Variants in TENM3 observed in about 807,000 individuals in gnomAD.
TENM3 encodes teneurin-3.
TENM3 carries 63 observed loss-of-function variants against 255.1 expected under a neutral mutation model. The observed-to-expected ratio is 0.25, with a 90% CI of 0.20 to 0.30. TENM3 has a LOEUF of 0.30. Ranked by LOEUF, TENM3 falls within the 10% of genes least tolerant of loss-of-function variation. The pLI is 1.00. For synonymous variants in TENM3, 1,306 were observed against 1,322.3 expected (o/e 0.99, Z 0.27); for missense variants, 2,929 against 3,461.1 (o/e 0.85, Z 3.86).
intron 3 of TENM3, among the ~76,000 whole-genome samples, chr4:182,583,589 C>T (rs1223550084): frequency 6.6e-6 from 1 of 151,912 alleles, no homozygotes; most frequent in Non-Finnish European, 1.5e-5. Flanking sequence ...GTCTTCTTTT[C>T]ATTTATATCT....
At chr4:181,913,800 A>G in the TENM3 span, among the ~76,000 whole-genome samples, 1 of 152,210 alleles carries the variant, frequency 6.6e-6, no homozygotes, top group African/African-American at 2.4e-5. Context: ...CTCAGAACTC[A>G]TTGTACTTAA....
the TENM3 span, among the ~76,000 whole-genome samples, chr4:181,566,108 A>T: frequency 6.6e-6 from 1 of 151,528 alleles, no homozygotes; most frequent in Non-Finnish European, 1.5e-5. Context: ...AAGAAAAAAA[A>T]ATGTTTTGTA....
intron 3 of TENM3, among the ~76,000 whole-genome samples, chr4:182,473,244 A>G (rs958572436): frequency 3.3e-5 from 5 of 152,240 alleles, no homozygotes; most frequent in Non-Finnish European, 7.3e-5. Flanking sequence ...CTATGGCTTC[A>G]AGGTCCTAAG....
chr4:181,703,928 T>A, the TENM3 span, among the ~76,000 whole-genome samples: 269 of 152,174 alleles, frequency 1.8e-3, 1 homozygote, highest in Middle Eastern at 3.4e-3. Flanking sequence ...ATAAGAAATA[T>A]AACAGAATAT....
the TENM3 span, among the ~76,000 whole-genome samples, chr4:182,100,776 TATATATACAC>T: frequency 0.078 from 3,265 of 42,086 alleles, 413 homozygotes; most frequent in Middle Eastern, 0.1. Context: ...TATATACACA[TATATATACAC>T]ATATATATAC....
chr4:181,743,778 T>G, the TENM3 span, among the ~76,000 whole-genome samples: 14 of 152,132 alleles, frequency 9.2e-5, no homozygotes. Flanking sequence ...TGGAGGACTT[T>G]GAGGAGAGAG....
At chr4:182,621,526 G>C (rs993711419) in intron 4 of TENM3, among the ~76,000 whole-genome samples, 9 of 144,214 alleles carry the variant, frequency 6.2e-5, no homozygotes, top group African/African-American at 2.3e-4. Context: ...ACTTTGGGAG[G>C]CCAAGGCAGG....
At chr4:182,753,165 C>G (rs927588048) in intron 20 of TENM3, among the ~76,000 whole-genome samples, 4 of 152,106 alleles carry the variant, frequency 2.6e-5, no homozygotes, top group Non-Finnish European at 5.9e-5. Context: ...CCAGGCTGGT[C>G]TCGAACTCCT....
the TENM3 span, among the ~76,000 whole-genome samples, chr4:181,769,427 CAG>C: frequency 6.6e-6 from 1 of 152,342 alleles, no homozygotes; most frequent in Non-Finnish European, 1.5e-5. Context: ...GGGTAAGCCT[CAG>C]TGTCACCATC....
chr4:182,239,031 T>TTGTGTGTGTG (rs199507110), upstream of TENM3, among the ~76,000 whole-genome samples: 3 of 110,372 alleles, frequency 2.7e-5, no homozygotes, highest in Admixed American at 9.9e-5. Flanking sequence ...TTAAAAATCT[T>TTGTGTGTGTG]TATGTGTGTG....
At chr4:181,754,690 G>A in the TENM3 span, among the ~76,000 whole-genome samples, 1 of 152,154 alleles carries the variant, frequency 6.6e-6, no homozygotes, top group Non-Finnish European at 1.5e-5. Flanking sequence ...AAGCTGGAAA[G>A]GTAGGCTGAA....
chr4:181,530,525 G>T, the TENM3 span, among the ~76,000 whole-genome samples: 8 of 152,108 alleles, frequency 5.3e-5, no homozygotes, highest in Non-Finnish European at 1.2e-4. Flanking sequence ...TGGTCCTAAG[G>T]TAGATCCTGC....
chr4:181,641,834 A>T, the TENM3 span, among the ~76,000 whole-genome samples: 1 of 124,794 alleles, frequency 8.0e-6, no homozygotes, highest in Non-Finnish European at 1.6e-5. Context: ...ATATATATAT[A>T]TATATATATG....
the TENM3 span, among the ~76,000 whole-genome samples, chr4:181,451,652 G>C: frequency 6.6e-6 from 1 of 152,038 alleles, no homozygotes; most frequent in African/African-American, 2.4e-5. Context: ...GGATTGGGTA[G>C]GTTAAAGATG....
At chr4:182,254,521 G>A (rs1758244656) in intron 1 of TENM3, among the ~76,000 whole-genome samples, 1 of 152,100 alleles carries the variant, frequency 6.6e-6, no homozygotes. Context: ...AAAGACTGGA[G>A]TATTTTATAT....
At chr4:181,836,797 A>G in the TENM3 span, among the ~76,000 whole-genome samples, 1 of 152,226 alleles carries the variant, frequency 6.6e-6, no homozygotes, top group African/African-American at 2.4e-5. Context: ...ATAAAATTTA[A>G]TAAACGTTCT....
chr4:182,763,300 C>G (rs1763367471), intron 22 of TENM3, among the ~76,000 whole-genome samples: 1 of 152,184 alleles, frequency 6.6e-6, no homozygotes. Context: ...CGGTGGCTCA[C>G]ACCTGTAATC....
the TENM3 span, among the ~76,000 whole-genome samples, chr4:181,967,828 A>AC: frequency 6.6e-6 from 1 of 151,546 alleles, no homozygotes; most frequent in Non-Finnish European, 1.5e-5. Flanking sequence ...GTTCAGTTCC[A>AC]CCCCCCAGGC....
At chr4:182,460,766 T>A (rs909857056) in intron 3 of TENM3, among the ~76,000 whole-genome samples, 2 of 152,190 alleles carry the variant, frequency 1.3e-5, no homozygotes, top group Non-Finnish European at 2.9e-5. Context: ...TATTTCTTTT[T>A]AAAATGATGC....
Sources: allele counts gnomAD v4.1 joint callset (sites outside exome capture counted in the v4.1 genomes callset), GRCh38; gene constraint gnomAD v4.1.1; transcripts MANE v1.5; gene names NCBI Gene and HGNC (gene_info 2026-07-23, HGNC 2026-07-21).